Variants in STS observed in about 807,000 individuals in gnomAD.
STS encodes steroid sulfatase, also known as steryl-sulfatase.
In STS, 7 loss-of-function variants were observed where a neutral mutation model predicts 26.8. The ratio of observed to expected loss-of-function variants is 0.26; its 90% confidence interval spans 0.15 to 0.49. The LOEUF (loss-of-function observed/expected upper bound fraction) is 0.49, where lower values mean the gene tolerates loss of function less well. STS is among the 20% of genes least tolerant of loss of function. STS has a pLI of 0.98. For missense variants in STS, 434 were observed against 465.6 expected, an observed-to-expected ratio of 0.93 and a Z score of 0.63; for synonymous variants, 199 against 189.4, an observed-to-expected ratio of 1.05 and a Z score of -0.42.
intron 7 of STS, among the ~76,000 whole-genome samples, chrX:7,303,549 G>C (rs1453332309): frequency 1.1e-4 from 12 of 111,057 alleles, no homozygotes; most frequent in Non-Finnish European, 3.8e-5. Context: ...TGCGTGGCAC[G>C]AGCAGAAGAG....
intron 8 of STS, among the ~76,000 whole-genome samples, chrX:7,322,482 C>A (rs1463847497): frequency 3.6e-5 from 4 of 111,738 alleles, no homozygotes; most frequent in Admixed American, 2.8e-4. Flanking sequence ...CTCACTGCAA[C>A]CTCCACCTCC....
At chrX:7,294,498 A>G (rs1327284058) in intron 7 of STS, among the ~76,000 whole-genome samples, 1 of 111,680 alleles carries the variant, frequency 9.0e-6, no homozygotes, top group African/African-American at 3.2e-5. Context: ...GCAGCAACAC[A>G]ATTGCACCAC....
intron 7 of STS, among the ~76,000 whole-genome samples, chrX:7,287,983 A>G (rs1569213786): frequency 1.8e-5 from 2 of 108,195 alleles, no homozygotes; most frequent in Non-Finnish European, 3.8e-5. Context: ...CTAGTTCACT[A>G]TTTTTTTTTC....
At chrX:7,171,544 A>G in intron 1 of STS, among the ~76,000 whole-genome samples, 1 of 112,028 alleles carries the variant, frequency 8.9e-6, no homozygotes. Flanking sequence ...TCCAGTGGAA[A>G]GAGCCTCTCT....
chrX:7,341,967 A>T (rs1425782821), intron 10 of STS, among the ~76,000 whole-genome samples: 1 of 109,835 alleles, frequency 9.1e-6, no homozygotes, highest in Non-Finnish European at 1.9e-5. Context: ...GCCCACCACC[A>T]CGCCCAGCTA....
chrX:7,257,399 C>T (rs1485629774), intron 4 of STS, 36 bp downstream of exon 4: 1 of 1,210,761 alleles, frequency 8.3e-7, no homozygotes, highest in Non-Finnish European at 1.1e-6. Flanking sequence ...GCTGTGGTCA[C>T]CTTCGGGACA....
intron 8 of STS, among the ~76,000 whole-genome samples, chrX:7,323,010 T>C (rs1443980131): frequency 1.1e-4 from 12 of 111,887 alleles, no homozygotes; most frequent in Non-Finnish European, 2.3e-4. Flanking sequence ...AATAAAATAA[T>C]ACCAACGAAG....
chrX:7,293,605 A>G (rs1460319418), intron 7 of STS, among the ~76,000 whole-genome samples: 1 of 110,783 alleles, frequency 9.0e-6, no homozygotes, highest in Non-Finnish European at 1.9e-5. Flanking sequence ...CCATCATCCT[A>G]TTCTTGATTT....
At chrX:7,272,366 AT>A (rs1475318504) in intron 6 of STS, among the ~76,000 whole-genome samples, 1 of 110,295 alleles carries the variant, frequency 9.1e-6, no homozygotes, top group African/African-American at 3.3e-5. Flanking sequence ...TACATAAACC[AT>A]GTCCCGTCAA....
chrX:7,215,022 ATTATATATG>A (rs1921224762), intron 2 of STS, among the ~76,000 whole-genome samples: 1 of 63,176 alleles, frequency 1.6e-5, no homozygotes, highest in African/African-American at 5.5e-5. Context: ...ATATATATAT[ATTATATATG>A]TATATATATA....
chrX:7,163,802 G>C (rs368612910), intron 1 of STS, among the ~76,000 whole-genome samples: 1 of 112,293 alleles, frequency 8.9e-6, no homozygotes, highest in Admixed American at 9.4e-5. Flanking sequence ...CCCACAGATT[G>C]TGGGTATTCA....
At chrX:7,343,157 T>C (rs1222576105) in intron 10 of STS, among the ~76,000 whole-genome samples, 1 of 111,581 alleles carries the variant, frequency 9.0e-6, no homozygotes, top group Non-Finnish European at 1.9e-5. Context: ...ATACCTTCTA[T>C]GATATATACA....
At chrX:7,205,468 G>C (rs1941585857) in intron 2 of STS, among the ~76,000 whole-genome samples, 1 of 111,482 alleles carries the variant, frequency 9.0e-6, no homozygotes, top group African/African-American at 3.3e-5. Flanking sequence ...GAGACCTTCA[G>C]CTTGAGGAGC....
At chrX:7,335,186 G>A (rs1223364207) in intron 10 of STS, among the ~76,000 whole-genome samples, 3 of 112,252 alleles carry the variant, frequency 2.7e-5, no homozygotes, top group African/African-American at 9.7e-5. Flanking sequence ...TCGCCACACT[G>A]TCTTCCACAA....
chrX:7,229,988 C>G (rs1449639216), intron 2 of STS, among the ~76,000 whole-genome samples: 6 of 111,017 alleles, frequency 5.4e-5, no homozygotes, highest in African/African-American at 2.0e-4. Context: ...AAGAGATCCT[C>G]CGACCTCAGC....
At chrX:7,240,484 C>G (rs867225034) in intron 2 of STS, among the ~76,000 whole-genome samples, 2 of 70,113 alleles carry the variant, frequency 2.9e-5, no homozygotes, top group South Asian at 9.1e-4. Context: ...CACACACACA[C>G]AGATATGTAT....
rs147778790 is a variant in STS, at chrX:7,195,895, A to G, written c.-5+4887A>G. Among the ~76,000 whole-genome samples, 4 of 112,586 alleles carry G rather than the reference A, an allele frequency of 3.6e-5. No homozygotes were observed. The Admixed American group carries it at 3.8e-4, about 11-fold the overall frequency. On this transcript the variant is annotated intron_variant, in intron 2 of 10. Coordinates refer to ENST00000674429, the MANE Select transcript of STS (RefSeq NM_001320752.2). ...CTTTCTCTACCTGTTCTGTTTTATAACAGAAGGCAACACTGAAGCTGAAAG... is the reference window on the plus strand; with the variant it reads ...CTTTCTCTACCTGTTCTGTTTTATAGCAGAAGGCAACACTGAAGCTGAAAG...
At chrX:7,245,144 T>C (rs1489693180) in intron 2 of STS, among the ~76,000 whole-genome samples, 1 of 111,284 alleles carries the variant, frequency 9.0e-6, no homozygotes, top group East Asian at 2.8e-4. Flanking sequence ...CTGGTATTAG[T>C]TATGGATTTG....
chrX:7,198,144 C>T (rs1934004435), intron 2 of STS, among the ~76,000 whole-genome samples: 1 of 111,295 alleles, frequency 9.0e-6, no homozygotes, highest in African/African-American at 3.3e-5. Context: ...GCACACAGAG[C>T]CAGTTAAATG....
Sources: gnomAD v4.1 joint callset for allele counts (sites outside exome capture counted in the v4.1 genomes callset) on GRCh38, gnomAD v4.1.1 for gene constraint, MANE v1.5 for transcripts, NCBI Gene and HGNC (gene_info 2026-07-23, HGNC 2026-07-21) for gene names.